The following FOXP1 variants were observed in gnomAD, a reference collection of about 807,000 sequenced individuals.
The protein encoded by FOXP1 is forkhead box protein P1.
FOXP1 carries 15 observed loss-of-function variants against 98.2 expected under a neutral mutation model. The observed-to-expected ratio is 0.15, with a 90% CI of 0.10 to 0.24. The LOEUF is 0.24. Among genes scored for constraint, FOXP1 ranks in the 10% least tolerant of loss-of-function variants. FOXP1 has a pLI of 1.00. For synonymous variants in FOXP1, 371 were observed against 314.5 expected, an observed-to-expected ratio of 1.18 and a Z score of -1.90; for missense variants, 633 against 848.5, an observed-to-expected ratio of 0.75 and a Z score of 3.15.
rs148330174 is a variant in FOXP1, at chr3:71,206,363, C to A, written c.-11-7971G>T. ...GGTCTTAAGAGAAGTAGGATGATCT[C>A]ATTAAACATTGAAAGATAATCAACC... On this transcript the variant is annotated intron_variant, in intron 5 of 20. Coordinates refer to ENST00000649528, the MANE Select transcript of FOXP1 (RefSeq NM_001349338.3). Among the ~76,000 whole-genome samples, 1,285 of 152,260 alleles carry A rather than the reference C, an allele frequency of 8.4e-3. 6 individuals carry two copies. Among genetic ancestry groups the A allele is most frequent in the South Asian group, 0.018 (89 of 4,826 alleles).
At chr3:71,310,756 G>A (rs540272228) in intron 4 of FOXP1, among the ~76,000 whole-genome samples, 41 of 152,328 alleles carry the variant, frequency 2.7e-4, no homozygotes, top group African/African-American at 9.4e-4. Context: ...TCCAGCCACC[G>A]GATGAGGAAT....
intron 3 of FOXP1, among the ~76,000 whole-genome samples, chr3:71,419,458 T>C (rs187033999): frequency 2.7e-5 from 4 of 150,290 alleles, no homozygotes; most frequent in Non-Finnish European, 4.4e-5. Context: ...AAAAAGTAGA[T>C]GTTTACAGAA....
intron 4 of FOXP1, among the ~76,000 whole-genome samples, chr3:71,328,663 C>T (rs1036105955): frequency 2.6e-5 from 4 of 152,038 alleles, no homozygotes; most frequent in South Asian, 2.1e-4. Flanking sequence ...AGGGTAGCTA[C>T]GGTATTGGCT....
chr3:71,449,754 C>G (rs967428286), intron 3 of FOXP1, among the ~76,000 whole-genome samples: 1 of 152,228 alleles, frequency 6.6e-6, no homozygotes, highest in Non-Finnish European at 1.5e-5. Context: ...ATCATGCAAT[C>G]TGACCACTCG....
chr3:71,429,072 G>C (rs1157844809), intron 3 of FOXP1, among the ~76,000 whole-genome samples: 1 of 152,192 alleles, frequency 6.6e-6, no homozygotes, highest in Non-Finnish European at 1.5e-5. Context: ...ACGAGGGGAA[G>C]GCATCAGAAC....
chr3:71,168,764 CT>C (rs1256110036), intron 6 of FOXP1, among the ~76,000 whole-genome samples: 16 of 152,136 alleles, frequency 1.1e-4, no homozygotes, highest in Non-Finnish European at 2.2e-4. Context: ...TGCTGGAAAA[CT>C]TTTTTCCCCC....
At chr3:70,996,612 A>G (rs887876057) in intron 13 of FOXP1, among the ~76,000 whole-genome samples, 4 of 152,196 alleles carry the variant, frequency 2.6e-5, no homozygotes, top group Admixed American at 2.6e-4. Flanking sequence ...TCTGGGGTTT[A>G]GATTCAAGGA....
At chr3:71,221,535 G>C (rs2065382840) in intron 5 of FOXP1, among the ~76,000 whole-genome samples, 1 of 152,118 alleles carries the variant, frequency 6.6e-6, no homozygotes, top group Non-Finnish European at 1.5e-5. Flanking sequence ...CTGAAAATAA[G>C]AGGCTGTTCA....
At chr3:71,413,398 T>C (rs2082952370) in intron 3 of FOXP1, among the ~76,000 whole-genome samples, 1 of 151,458 alleles carries the variant, frequency 6.6e-6, no homozygotes, top group Non-Finnish European at 1.5e-5. Flanking sequence ...ACATTAATGA[T>C]AGAGCAGAAT....
chr3:71,442,422 A>T (rs1205544585), intron 3 of FOXP1, among the ~76,000 whole-genome samples: 1 of 151,944 alleles, frequency 6.6e-6, no homozygotes, highest in Non-Finnish European at 1.5e-5. Flanking sequence ...TAAAACACAC[A>T]AGGAGACACC....
intron 3 of FOXP1, among the ~76,000 whole-genome samples, chr3:71,425,456 T>C (rs2084072522): frequency 6.6e-6 from 1 of 152,154 alleles, no homozygotes; most frequent in African/African-American, 2.4e-5. Context: ...GACTCTGGTT[T>C]CCAAATCCAT....
intron 3 of FOXP1, among the ~76,000 whole-genome samples, chr3:71,432,695 C>T (rs2084831510): frequency 6.6e-6 from 1 of 151,982 alleles, no homozygotes; most frequent in Admixed American, 6.6e-5. Context: ...ATCGCTTCAC[C>T]CCATCCCCAA....
At chr3:71,538,229 T>C (rs2044465203) in intron 2 of FOXP1, among the ~76,000 whole-genome samples, 1 of 152,226 alleles carries the variant, frequency 6.6e-6, no homozygotes, top group Admixed American at 6.5e-5. Flanking sequence ...GAATGGATTT[T>C]AGTATATTCA....
At chr3:71,076,740 A>G (rs1291928982) in intron 7 of FOXP1, among the ~76,000 whole-genome samples, 1 of 152,126 alleles carries the variant, frequency 6.6e-6, no homozygotes, top group African/African-American at 2.4e-5. Context: ...TGTTTTGAGC[A>G]TGGTCTCTGT....
intron 6 of FOXP1, among the ~76,000 whole-genome samples, chr3:71,179,054 T>A (rs1256946361): frequency 1.4e-5 from 2 of 145,978 alleles, no homozygotes; most frequent in Non-Finnish European, 3.0e-5. Context: ...GGATTTTCAA[T>A]AAAAGGAAGA....
intron 4 of FOXP1, chr3:71,302,583 A>C (rs2073941212): frequency 6.6e-6 from 1 of 151,440 alleles, no homozygotes; most frequent in Non-Finnish European, 1.5e-5. Flanking sequence ...CTTCTTTTAA[A>C]AAATGCTGTC....
intron 2 of FOXP1, chr3:71,543,705 A>C (rs1696715259): frequency 6.6e-6 from 1 of 152,258 alleles, no homozygotes; most frequent in South Asian, 2.1e-4. Flanking sequence ...AGAGTGGGGA[A>C]GCAGGTCCAC....
chr3:71,052,659 A>T, intron 8 of FOXP1, 33 bp from the exon 9 acceptor site: 3 of 906,052 alleles, frequency 3.3e-6, no homozygotes, highest in Non-Finnish European at 5.6e-6. Flanking sequence ...TAAGTAACAG[A>T]GGGTAGCGCC....
At chr3:71,311,457 G>A (rs2107621894) in intron 4 of FOXP1, among the ~76,000 whole-genome samples, 1 of 152,322 alleles carries the variant, frequency 6.6e-6, no homozygotes, top group South Asian at 2.1e-4. Flanking sequence ...TACAGAATGA[G>A]TGAATAACAC....
Sources: gnomAD v4.1 joint callset for allele counts (sites outside exome capture counted in the v4.1 genomes callset) on GRCh38, gnomAD v4.1.1 for gene constraint, MANE v1.5 for transcripts, NCBI Gene and HGNC (gene_info 2026-07-23, HGNC 2026-07-21) for gene names.